RNF150: variants seen among roughly 807,000 people sequenced by gnomAD.
RNF150 encodes ring finger protein 150.
In RNF150, 24 loss-of-function variants were observed where a neutral mutation model predicts 39.3. That is an observed-to-expected ratio of 0.61 (90% CI 0.44 to 0.86). RNF150 has a LOEUF of 0.86. Among genes scored for constraint, RNF150 ranks in the 40% least tolerant of loss-of-function variants. The pLI, the probability that RNF150 is intolerant of heterozygous loss-of-function variation, is 0.00. For synonymous variants in RNF150, 255 were observed against 227.3 expected (o/e 1.12, Z -1.10); for missense variants, 502 against 587.8 (o/e 0.85, Z 1.51).
At chr4:141,129,618 A>G (rs1278028786) in intron 1 of RNF150, among the ~76,000 whole-genome samples, 3 of 152,216 alleles carry the variant, frequency 2.0e-5, no homozygotes, top group Non-Finnish European at 4.4e-5. Flanking sequence ...GTATGTTTAT[A>G]TTTCAGTAAA....
chr4:141,016,092 A>C (rs1055128761), intron 1 of RNF150, among the ~76,000 whole-genome samples: 1 of 152,142 alleles, frequency 6.6e-6, no homozygotes, highest in Non-Finnish European at 1.5e-5. Flanking sequence ...CCCATTGTAA[A>C]ACCACCTTCT....
chr4:140,969,942 T>G (rs1733398708), intron 1 of RNF150, among the ~76,000 whole-genome samples: 2 of 151,978 alleles, frequency 1.3e-5, no homozygotes, highest in African/African-American at 2.4e-5. Context: ...TTTTGTCTTT[T>G]TAGTAGAGAC....
intron 1 of RNF150, among the ~76,000 whole-genome samples, chr4:141,190,377 T>G (rs1040283053): frequency 2.0e-5 from 3 of 152,190 alleles, no homozygotes; most frequent in Non-Finnish European, 2.9e-5. Context: ...GAGAGTCTTC[T>G]CCTGGCTTTG....
intron 1 of RNF150, among the ~76,000 whole-genome samples, chr4:141,049,331 C>T (rs773737333): frequency 6.7e-6 from 1 of 149,030 alleles, no homozygotes; most frequent in Non-Finnish European, 1.5e-5. Context: ...AGGTGACATA[C>T]TCAAGAGGAA....
At chr4:141,143,159 C>T (rs571302382) in intron 1 of RNF150, among the ~76,000 whole-genome samples, 4 of 152,230 alleles carry the variant, frequency 2.6e-5, no homozygotes, top group East Asian at 1.9e-4. Context: ...CGTGAGCCAC[C>T]GCGCCTGGTC....
At chr4:140,906,022 T>A (rs900050723) in intron 6 of RNF150, among the ~76,000 whole-genome samples, 7 of 152,124 alleles carry the variant, frequency 4.6e-5, no homozygotes, top group African/African-American at 1.7e-4. Context: ...TCCCAAGTTT[T>A]TTGAATTACA....
At chr4:141,200,444 G>C (rs1229257737) in intron 1 of RNF150, among the ~76,000 whole-genome samples, 2 of 151,292 alleles carry the variant, frequency 1.3e-5, no homozygotes, top group Non-Finnish European at 2.9e-5. Context: ...CTATCACATT[G>C]GGATACAGAC....
intron 1 of RNF150, among the ~76,000 whole-genome samples, chr4:141,095,156 G>A (rs1738723624): frequency 6.6e-6 from 1 of 152,222 alleles, no homozygotes; most frequent in South Asian, 2.1e-4. Context: ...CACCCCAAGA[G>A]TGGGTAAGAA....
chr4:141,154,238 C>T (rs1160868169), intron 1 of RNF150, among the ~76,000 whole-genome samples: 1 of 152,186 alleles, frequency 6.6e-6, no homozygotes, highest in Non-Finnish European at 1.5e-5. Flanking sequence ...GTTGATAGTA[C>T]TATCAGTTCC....
At chr4:141,027,227 T>C (rs760554200) in intron 1 of RNF150, among the ~76,000 whole-genome samples, 1 of 152,206 alleles carries the variant, frequency 6.6e-6, no homozygotes, top group Non-Finnish European at 1.5e-5. Context: ...GTGTCTCTGA[T>C]TCTGGAACCT....
chr4:140,920,693 A>T (rs1227928964), intron 5 of RNF150, among the ~76,000 whole-genome samples: 1 of 152,068 alleles, frequency 6.6e-6, no homozygotes, highest in Non-Finnish European at 1.5e-5. Flanking sequence ...CTGGGTATAT[A>T]CCCTAAGGAT....
chr4:141,058,901 A>G (rs547206518), intron 1 of RNF150, among the ~76,000 whole-genome samples: 1 of 152,274 alleles, frequency 6.6e-6, no homozygotes, highest in African/African-American at 2.4e-5. Context: ...CACATGATAA[A>G]CTGTGTTGAA....
rs576052323 is a variant in RNF150 at position 140,904,067 on chromosome 4, C to T, written c.1198+7077G>A. Among the ~76,000 whole-genome samples, 40 of 152,196 alleles carry T rather than the reference C, an allele frequency of 2.6e-4. No individual in the cohort carries two copies. The East Asian group carries it at 6.6e-3, about 25-fold the overall frequency. Reference sequence around the variant, plus strand: ...TCGTGGATTGGGTAGTTGCCATCTGCGAAGCTTGACGATGATGGCATGTGC... The same window carrying T: ...TCGTGGATTGGGTAGTTGCCATCTGTGAAGCTTGACGATGATGGCATGTGC... On this transcript the variant is annotated intron_variant, in intron 6 of 6. Transcript: ENST00000515673.
chr4:140,878,167 T>G (rs1055070805), intron 6 of RNF150, among the ~76,000 whole-genome samples: 5 of 97,710 alleles, frequency 5.1e-5, no homozygotes, highest in Admixed American at 2.2e-4. Context: ...TCATTGTGTT[T>G]TTTTTTTTTT....
intron 1 of RNF150, among the ~76,000 whole-genome samples, chr4:141,088,442 A>C (rs1439666192): frequency 1.3e-5 from 2 of 152,220 alleles, no homozygotes; most frequent in African/African-American, 4.8e-5. Flanking sequence ...GTTATATTAG[A>C]TATTAGCATG....
chr4:140,930,725 G>C (rs1731594567), intron 4 of RNF150, among the ~76,000 whole-genome samples: 1 of 152,118 alleles, frequency 6.6e-6, no homozygotes, highest in South Asian at 2.1e-4. Flanking sequence ...CACACTGCCA[G>C]TCTTTTCTTG....
chr4:140,952,116 T>TC (rs935747710), intron 2 of RNF150, among the ~76,000 whole-genome samples: 6 of 152,088 alleles, frequency 3.9e-5, no homozygotes, highest in African/African-American at 1.4e-4. Flanking sequence ...TTCAAGTGAT[T>TC]CCCCTTGCCT....
intron 1 of RNF150, among the ~76,000 whole-genome samples, chr4:141,073,945 G>C (rs1181359102): frequency 6.6e-6 from 1 of 151,956 alleles, no homozygotes; most frequent in Non-Finnish European, 1.5e-5. Context: ...GCATGAGGTG[G>C]GGAAGCCAAG....
chr4:141,009,938 G>A (rs1735015869), intron 1 of RNF150, among the ~76,000 whole-genome samples: 1 of 152,180 alleles, frequency 6.6e-6, no homozygotes, highest in African/African-American at 2.4e-5. Flanking sequence ...TGCAATAGAT[G>A]TTGGTTGCAT....
Sources: gnomAD v4.1 joint callset for allele counts (sites outside exome capture counted in the v4.1 genomes callset) on GRCh38, gnomAD v4.1.1 for gene constraint, MANE v1.5 for transcripts, NCBI Gene and HGNC (gene_info 2026-07-23, HGNC 2026-07-21) for gene names.